CNTNAP2: variants seen among roughly 807,000 people sequenced by gnomAD.
The protein encoded by CNTNAP2 is contactin-associated protein-like 2.
In CNTNAP2, 98 loss-of-function variants were observed where a neutral mutation model predicts 155.2. The ratio of observed to expected loss-of-function variants is 0.63; its 90% CI spans 0.54 to 0.75. The LOEUF is 0.75. Among genes scored for constraint, CNTNAP2 ranks in the 30% least tolerant of loss-of-function variants. CNTNAP2 has a pLI of 0.00. For missense variants in CNTNAP2, 1,727 were observed against 1,688.1 expected (o/e 1.02, Z -0.40); for synonymous variants, 651 against 631.2 (o/e 1.03, Z -0.47).
chr7:147,511,747 C>T (rs562484296), intron 11 of CNTNAP2, among the ~76,000 whole-genome samples: 11 of 151,782 alleles, frequency 7.2e-5, no homozygotes, highest in South Asian at 2.1e-4. Flanking sequence ...TGCAACAAAA[C>T]GACAAAGATC....
At chr7:147,535,776 T>C (rs948977928) in intron 11 of CNTNAP2, among the ~76,000 whole-genome samples, 1 of 152,144 alleles carries the variant, frequency 6.6e-6, no homozygotes, top group Non-Finnish European at 1.5e-5. Context: ...ACAATAAGAA[T>C]GCAAATACAG....
intron 21 of CNTNAP2, among the ~76,000 whole-genome samples, chr7:148,301,326 T>TATATATATATATA (rs1280693837): frequency 1.4e-5 from 2 of 138,016 alleles, no homozygotes; most frequent in Non-Finnish European, 3.2e-5. Flanking sequence ...TATATATAGG[T>TATATATATATATA]TAAAATGTCC....
chr7:147,686,799 AC>A (rs1372031690), intron 13 of CNTNAP2, among the ~76,000 whole-genome samples: 2 of 152,006 alleles, frequency 1.3e-5, no homozygotes, highest in African/African-American at 4.8e-5. Flanking sequence ...TGGAGGCAGT[AC>A]ATTTTTGCTT....
chr7:146,597,588 C>T (rs1798882356), intron 1 of CNTNAP2, among the ~76,000 whole-genome samples: 1 of 151,934 alleles, frequency 6.6e-6, no homozygotes, highest in South Asian at 2.1e-4. Context: ...AATCCTTTGT[C>T]TTCCCAGAAC....
chr7:146,992,903 A>T (rs1050113676), intron 3 of CNTNAP2, among the ~76,000 whole-genome samples: 1 of 152,182 alleles, frequency 6.6e-6, no homozygotes, highest in Non-Finnish European at 1.5e-5. Context: ...TAACAAGTTG[A>T]TAACCAGAAT....
chr7:146,277,926 AAAAAAGAAAAT>A (rs1185359315), intron 1 of CNTNAP2, among the ~76,000 whole-genome samples: 4 of 152,292 alleles, frequency 2.6e-5, no homozygotes, highest in Non-Finnish European at 4.4e-5. Context: ...AAAAATTTTC[AAAAAAGAAAAT>A]AAAAAGAAAA....
chr7:146,809,650 C>T (rs1045705296), intron 2 of CNTNAP2, among the ~76,000 whole-genome samples: 5 of 152,254 alleles, frequency 3.3e-5, no homozygotes, highest in African/African-American at 1.2e-4. Flanking sequence ...AGGCTTGAGC[C>T]ACTGCACTTG....
intron 1 of CNTNAP2, among the ~76,000 whole-genome samples, chr7:146,340,446 G>T (rs1355011055): frequency 6.6e-6 from 1 of 151,648 alleles, no homozygotes; most frequent in Non-Finnish European, 1.5e-5. Flanking sequence ...AAAACAGAAT[G>T]CTAAAGCTAG....
intron 1 of CNTNAP2, among the ~76,000 whole-genome samples, chr7:146,605,083 AC>A (rs1461234104): frequency 0.026 from 3,403 of 129,436 alleles, 119 homozygotes; most frequent in Middle Eastern, 0.041. Context: ...ATAAAAAAAA[AC>A]AACAAAAAAA....
intron 13 of CNTNAP2, among the ~76,000 whole-genome samples, chr7:147,802,641 C>G (rs1014689931): frequency 2.0e-5 from 3 of 151,778 alleles, no homozygotes; most frequent in African/African-American, 4.8e-5. Flanking sequence ...TCAGGCGTGG[C>G]GGCGCGCACC....
intron 3 of CNTNAP2, among the ~76,000 whole-genome samples, chr7:146,879,820 G>C (rs766135032): frequency 6.6e-6 from 1 of 152,072 alleles, no homozygotes; most frequent in Non-Finnish European, 1.5e-5. Flanking sequence ...TGCTGATAAA[G>C]ACATACTGGA....
At chr7:147,687,633 T>A (rs1796032344) in intron 13 of CNTNAP2, among the ~76,000 whole-genome samples, 1 of 152,068 alleles carries the variant, frequency 6.6e-6, no homozygotes, top group Non-Finnish European at 1.5e-5. Context: ...TGACCATGGG[T>A]AGGAGGAGTA....
intron 21 of CNTNAP2, among the ~76,000 whole-genome samples, chr7:148,303,115 T>C (rs1464539720): frequency 6.6e-6 from 1 of 152,088 alleles, no homozygotes; most frequent in Non-Finnish European, 1.5e-5. Flanking sequence ...TATTTCTTTA[T>C]AGCAGTGTGA....
chr7:147,496,926 A>C (rs1798720171), intron 11 of CNTNAP2: 1 of 152,160 alleles, frequency 6.6e-6, no homozygotes, highest in Non-Finnish European at 1.5e-5. Flanking sequence ...AAAAATATAA[A>C]GATTGTTGTA....
At chr7:148,205,952 T>A (rs1479470450) in intron 18 of CNTNAP2, among the ~76,000 whole-genome samples, 1 of 152,066 alleles carries the variant, frequency 6.6e-6, no homozygotes, top group Non-Finnish European at 1.5e-5. Context: ...TTCCCTTCTC[T>A]TCCTGGTAAG....
chr7:146,856,791 C>T (rs1006963438), intron 3 of CNTNAP2, among the ~76,000 whole-genome samples: 1 of 151,964 alleles, frequency 6.6e-6, no homozygotes, highest in African/African-American at 2.4e-5. Flanking sequence ...AAAGTCAAAC[C>T]AAAATTGAAG....
chr7:147,765,944 A>G (rs950487284), intron 13 of CNTNAP2, among the ~76,000 whole-genome samples: 8 of 152,218 alleles, frequency 5.3e-5, no homozygotes, highest in African/African-American at 1.7e-4. Context: ...GAATCTCTAC[A>G]ACACCATGAA....
intron 13 of CNTNAP2, among the ~76,000 whole-genome samples, chr7:147,650,015 C>G (rs1795426332): frequency 6.6e-6 from 1 of 152,058 alleles, no homozygotes; most frequent in South Asian, 2.1e-4. Flanking sequence ...TACATACTTT[C>G]ACAGAAACAA....
At chr7:146,638,538 A>G (rs344446) in intron 1 of CNTNAP2, among the ~76,000 whole-genome samples, 115,191 of 138,846 alleles carry the variant, frequency 0.83, 48,265 homozygotes, top group African/African-American at 0.91. Flanking sequence ...AGGCTGGAGT[A>G]CAGTGGTTCG....
Sources: allele counts gnomAD v4.1 joint callset (sites outside exome capture counted in the v4.1 genomes callset), GRCh38; gene constraint gnomAD v4.1.1; transcripts MANE v1.5; gene names NCBI Gene and HGNC (gene_info 2026-07-23, HGNC 2026-07-21).